The following CSMD1 variants were observed in gnomAD, a reference collection of about 807,000 sequenced individuals.
The protein encoded by CSMD1 is CUB and sushi domain-containing protein 1.
In CSMD1, 213 loss-of-function variants were observed where a neutral mutation model predicts 417.5. The observed-to-expected ratio is 0.51, with a 90% confidence interval of 0.46 to 0.57. CSMD1 has a LOEUF of 0.57. Ranked by LOEUF, CSMD1 falls within the 20% of genes least tolerant of loss-of-function variation. CSMD1 has a pLI of 0.00. For missense variants in CSMD1, 6,923 were observed against 4,529.7 expected (o/e 1.53, Z -15.17); for synonymous variants, 2,862 against 1,736.8 (o/e 1.65, Z -16.11).
chr8:4,853,899 G>C (rs1198985922), intron 1 of CSMD1, among the ~76,000 whole-genome samples: 1 of 152,180 alleles, frequency 6.6e-6, no homozygotes, highest in Non-Finnish European at 1.5e-5. Context: ...GGGGATTTAA[G>C]ATTTAATGAC....
intron 10 of CSMD1, among the ~76,000 whole-genome samples, chr8:3,546,784 C>T (rs1798685226): frequency 6.6e-6 from 1 of 152,230 alleles, no homozygotes; most frequent in East Asian, 1.9e-4. Flanking sequence ...ACTTTTTGAA[C>T]AGGATTCTGC....
chr8:3,293,227 A>G (rs1454528271), intron 25 of CSMD1, among the ~76,000 whole-genome samples: 1 of 152,108 alleles, frequency 6.6e-6, no homozygotes, highest in Non-Finnish European at 1.5e-5. Context: ...TTTTGTGGGT[A>G]ACCGGACCTT....
intron 3 of CSMD1, among the ~76,000 whole-genome samples, chr8:4,064,313 C>T (rs1585235410): frequency 6.6e-6 from 1 of 152,158 alleles, no homozygotes; most frequent in African/African-American, 2.4e-5. Context: ...TTCCTGGGCT[C>T]CATATGGTGT....
At chr8:4,176,155 G>A (rs1798028437) in intron 3 of CSMD1, among the ~76,000 whole-genome samples, 2 of 152,042 alleles carry the variant, frequency 1.3e-5, no homozygotes, top group Non-Finnish European at 2.9e-5. Flanking sequence ...GTGGAAAAGA[G>A]ACTCTATGTC....
chr8:3,378,126 G>A (rs1414831817), intron 18 of CSMD1, among the ~76,000 whole-genome samples: 2 of 152,220 alleles, frequency 1.3e-5, no homozygotes, highest in African/African-American at 4.8e-5. Flanking sequence ...AAGAGAGGAA[G>A]ACATTCAATT....
chr8:3,568,997 A>C (rs1396489150), intron 10 of CSMD1, among the ~76,000 whole-genome samples: 1 of 152,134 alleles, frequency 6.6e-6, no homozygotes, highest in Non-Finnish European at 1.5e-5. Flanking sequence ...TGATTGCAGG[A>C]CTCATCAAGA....
chr8:3,316,136 C>T (rs552379987), intron 23 of CSMD1, among the ~76,000 whole-genome samples: 1 of 152,274 alleles, frequency 6.6e-6, no homozygotes, highest in Non-Finnish European at 1.5e-5. Flanking sequence ...GAAATAATTT[C>T]ACTCTAAATT....
chr8:4,978,014 C>T (rs1353500857), intron 1 of CSMD1, among the ~76,000 whole-genome samples: 7 of 152,120 alleles, frequency 4.6e-5, no homozygotes, highest in East Asian at 1.9e-4. Context: ...TGGCCACAAT[C>T]GATGTGAGAG....
rs1441468504 is a variant in CSMD1, at chr8:4,078,384, G to A, written c.416-46285C>T. ...GGCTGGAGTGCAGTGGCGTGATCTC[G>A]ACTCACTGCAAGCTCCACCTCCCGG... On this transcript the variant is annotated intron_variant, in intron 3 of 69. Coordinates refer to ENST00000635120, the MANE Select transcript of CSMD1 (RefSeq NM_033225.6). Among the ~76,000 whole-genome samples the A allele has an allele frequency of 6.4e-5, 9 of 141,110 alleles. No individual in the cohort carries two copies. The South Asian group carries it at 1.8e-3, about 28-fold the overall frequency. 92.6% of individuals were successfully genotyped at this position (141,110 alleles called of 152,430 possible). A position where few individuals can be genotyped will look rare whatever the true frequency, so the allele number is the denominator to read the frequency against.
At chr8:4,162,857 C>T (rs1272341129) in intron 3 of CSMD1, among the ~76,000 whole-genome samples, 1 of 152,152 alleles carries the variant, frequency 6.6e-6, no homozygotes, top group Non-Finnish European at 1.5e-5. Flanking sequence ...CAGTATCACA[C>T]TGAGTAGTTT....
chr8:4,808,669 C>G (rs1351339596), intron 1 of CSMD1, among the ~76,000 whole-genome samples: 1 of 152,166 alleles, frequency 6.6e-6, no homozygotes, highest in Non-Finnish European at 1.5e-5. Context: ...CGGTTTCAAC[C>G]ATTTAGAACA....
rs796389649 is a variant in CSMD1, at chr8:3,411,922, G to T, written c.1562-2317C>A. 6.8e-5 allele frequency among the ~76,000 whole-genome samples: 6 copies of T among 88,582 alleles called. 1 individual carries two copies. The highest frequency in any genetic ancestry group is 2.4e-4 in the African/African-American group (6 of 25,162). The allele number at this position is 88,582 out of a possible 152,430, so 58.1% of individuals were successfully genotyped here. A position where few individuals can be genotyped will look rare whatever the true frequency, so the allele number is the denominator to read the frequency against. ...CGTATATATACACGTATATATGCAC[G>T]TATATATACACGTATATATGCACGT... On this transcript the variant is annotated intron_variant, in intron 12 of 69. Coordinates refer to ENST00000635120, the MANE Select transcript of CSMD1 (RefSeq NM_033225.6).
At chr8:4,657,892 G>A (rs776978188) in intron 1 of CSMD1, among the ~76,000 whole-genome samples, 28 of 151,910 alleles carry the variant, frequency 1.8e-4, no homozygotes, top group Non-Finnish European at 3.5e-4. Flanking sequence ...TACAGATATA[G>A]AAGTTATAAA....
chr8:4,790,218 C>G (rs1196704748), intron 1 of CSMD1, among the ~76,000 whole-genome samples: 1 of 151,942 alleles, frequency 6.6e-6, no homozygotes, highest in Admixed American at 6.6e-5. Context: ...TCTGAGAGCA[C>G]AACACATTCA....
intron 12 of CSMD1, among the ~76,000 whole-genome samples, chr8:3,414,348 CCAGTTA>C (rs1410362603): frequency 2.6e-5 from 4 of 151,634 alleles, no homozygotes; most frequent in Non-Finnish European, 5.9e-5. Flanking sequence ...CTTACATAGT[CCAGTTA>C]CAAATACTGT....
At chr8:4,646,050 T>A (rs928493581) in intron 1 of CSMD1, among the ~76,000 whole-genome samples, 3 of 152,170 alleles carry the variant, frequency 2.0e-5, no homozygotes, top group Non-Finnish European at 4.4e-5. Flanking sequence ...AATAAACGAT[T>A]TTTTTGCCTG....
At chr8:4,288,825 G>A (rs936596261) in intron 3 of CSMD1, among the ~76,000 whole-genome samples, 19 of 152,126 alleles carry the variant, frequency 1.2e-4, no homozygotes, top group East Asian at 7.7e-4. Context: ...GTCCCATTAC[G>A]TCAGTAAAGC....
chr8:4,146,982 G>A (rs1326457534), intron 3 of CSMD1, among the ~76,000 whole-genome samples: 1 of 151,810 alleles, frequency 6.6e-6, no homozygotes, highest in African/African-American at 2.4e-5. Context: ...TAAGAGCTCC[G>A]CCAGCACTTC....
chr8:3,784,412 G>A (rs181089092), intron 5 of CSMD1, among the ~76,000 whole-genome samples: 106 of 152,260 alleles, frequency 7.0e-4, no homozygotes, highest in Non-Finnish European at 1.4e-3. Flanking sequence ...ACTGCTGTTA[G>A]TATTATGCTG....
Sources: allele counts gnomAD v4.1 joint callset (sites outside exome capture counted in the v4.1 genomes callset), GRCh38; gene constraint gnomAD v4.1.1; transcripts MANE v1.5; gene names NCBI Gene and HGNC (gene_info 2026-07-23, HGNC 2026-07-21).